Variants in TENM1 observed in about 807,000 individuals in gnomAD.
TENM1 encodes teneurin-1.
In TENM1, 35 loss-of-function variants were observed where a neutral mutation model predicts 174.8. That is an observed-to-expected ratio of 0.20 (90% CI 0.15 to 0.27). The LOEUF (loss-of-function observed/expected upper bound fraction) is 0.27, where lower values mean the gene tolerates loss of function less well. Ranked by LOEUF, TENM1 falls within the 10% of genes least tolerant of loss-of-function variation. The pLI is 1.00. For missense variants in TENM1, 1,633 were observed against 2,130.1 expected (o/e 0.77, Z 4.59); for synonymous variants, 781 against 798.7 (o/e 0.98, Z 0.37).
exon 32 of TENM1, chrX:124,378,238 A>G (rs2060122630): frequency 8.9e-6 from 1 of 112,625 alleles, no homozygotes; most frequent in Admixed American, 9.4e-5. Flanking sequence ...TATTTAAAGC[A>G]GTTTGAAAAT....
intron 3 of TENM1, among the ~76,000 whole-genome samples, chrX:124,780,754 A>G (rs1469745781): frequency 8.9e-6 from 1 of 111,883 alleles, no homozygotes; most frequent in African/African-American, 3.2e-5. Context: ...GCATCTCAAA[A>G]GGGACAAGTA....
the TENM1 span, among the ~76,000 whole-genome samples, chrX:125,117,085 A>G: frequency 1.8e-5 from 2 of 110,498 alleles, no homozygotes; most frequent in African/African-American, 6.6e-5. Context: ...ATGCTTTTAC[A>G]CCATTGGTGG....
rs748027239 is a variant in TENM1, at chrX:124,637,797, A to T, written c.2077+3994T>A. 3.6e-5 allele frequency among the ~76,000 whole-genome samples: 4 copies of T among 111,995 alleles called. No homozygotes were observed. In the South Asian group the frequency reaches 1.1e-3, roughly 31 times the overall value. On this transcript the variant is annotated intron_variant, in intron 11 of 31. Coordinates refer to ENST00000422452, the Ensembl canonical transcript of TENM1. ...ACCTTTATTCACATTTGCCTCCCCA[A>T]CTATAGATGTTTCATCCTTCTTTGT...
chrX:124,562,237 T>C (rs2246929), intron 13 of TENM1, among the ~76,000 whole-genome samples: 46,822 of 110,767 alleles, frequency 0.42, 8,161 homozygotes, highest in East Asian at 0.82. Context: ...CTACTTCTAG[T>C]CTGTGCTGAT....
intron 11 of TENM1, among the ~76,000 whole-genome samples, chrX:124,573,900 G>A (rs2049109214): frequency 1.8e-5 from 2 of 111,965 alleles, no homozygotes; most frequent in South Asian, 7.4e-4. Context: ...AACAGATGCT[G>A]GCAATTGTAT....
At chrX:124,844,507 T>A (rs2056569484) in intron 3 of TENM1, among the ~76,000 whole-genome samples, 1 of 110,490 alleles carries the variant, frequency 9.1e-6, no homozygotes, top group Non-Finnish European at 1.9e-5. Context: ...TTGACGGGGG[T>A]GGTAATCATG....
At chrX:124,437,385 C>T (rs1307945303) in intron 23 of TENM1, among the ~76,000 whole-genome samples, 1 of 110,827 alleles carries the variant, frequency 9.0e-6, no homozygotes, top group African/African-American at 3.3e-5. Context: ...ACTATTTTGG[C>T]CCCAGAGACT....
chrX:124,920,386 C>T (rs868606081), intron 1 of TENM1, among the ~76,000 whole-genome samples: 1 of 108,468 alleles, frequency 9.2e-6, no homozygotes, highest in Non-Finnish European at 1.9e-5. Flanking sequence ...CAAGGAATTT[C>T]TTTGTCTGAG....
chrX:124,819,237 G>A (rs1236875443), intron 3 of TENM1, among the ~76,000 whole-genome samples: 1 of 111,496 alleles, frequency 9.0e-6, no homozygotes, highest in African/African-American at 3.3e-5. Context: ...GCTTGAATAA[G>A]TCCTAAATTT....
At chrX:124,965,691 T>C, upstream of TENM1, among the ~76,000 whole-genome samples, 1 of 101,718 alleles carries the variant, frequency 9.8e-6, no homozygotes, top group Non-Finnish European at 1.9e-5. Flanking sequence ...GATATGAACA[T>C]ATACATATAT....
chrX:124,815,967 A>C (rs191187800), intron 3 of TENM1, among the ~76,000 whole-genome samples: 20 of 111,930 alleles, frequency 1.8e-4, no homozygotes, highest in Non-Finnish European at 2.8e-4. Context: ...GTAGATTTGG[A>C]AGTAAGTAAA....
At chrX:124,580,414 A>T (rs995623677) in intron 11 of TENM1, among the ~76,000 whole-genome samples, 2 of 103,545 alleles carry the variant, frequency 1.9e-5, no homozygotes, top group Non-Finnish European at 4.1e-5. Context: ...ATATGTATAT[A>T]TACACATATA....
At chrX:124,958,625 G>C (rs2058612103) in intron 1 of TENM1, among the ~76,000 whole-genome samples, 1 of 111,316 alleles carries the variant, frequency 9.0e-6, no homozygotes, top group African/African-American at 3.3e-5. Flanking sequence ...GTGTGGTATA[G>C]TGAAGAATGG....
intron 23 of TENM1, among the ~76,000 whole-genome samples, chrX:124,445,532 C>T (rs1351385663): frequency 8.9e-6 from 1 of 112,104 alleles, no homozygotes; most frequent in African/African-American, 3.2e-5. Flanking sequence ...CTTCCCCTAC[C>T]CGTGTTAGAC....
chrX:125,042,963 T>C, the TENM1 span, among the ~76,000 whole-genome samples: 63 of 111,400 alleles, frequency 5.7e-4, no homozygotes, highest in African/African-American at 2.0e-3. Context: ...TGCAAGGAAA[T>C]CAACTCTAGG....
intron 31 of TENM1, among the ~76,000 whole-genome samples, chrX:124,381,495 T>C (rs1022679787): frequency 5.3e-5 from 6 of 112,179 alleles, no homozygotes; most frequent in African/African-American, 1.9e-4. Flanking sequence ...AGCATTCTTA[T>C]ATCTTGGTGG....
the TENM1 span, among the ~76,000 whole-genome samples, chrX:125,065,772 T>A: frequency 5.0e-3 from 561 of 112,482 alleles, 2 homozygotes; most frequent in African/African-American, 0.017. Context: ...AAACAAAAAT[T>A]GGTATAAAAA....
At chrX:124,530,277 C>T (rs909957727) in intron 15 of TENM1, among the ~76,000 whole-genome samples, 1 of 109,996 alleles carries the variant, frequency 9.1e-6, no homozygotes, top group East Asian at 2.8e-4. Flanking sequence ...TTATATAATA[C>T]ACCCTTAAAT....
chrX:124,406,323 T>C, exon 26 of TENM1: 1 of 1,204,114 alleles, frequency 8.3e-7, no homozygotes, highest in South Asian at 1.8e-5. Context: ...TTACCTTGTT[T>C]TAAAATATAT....
Sources: allele counts gnomAD v4.1 joint callset (sites outside exome capture counted in the v4.1 genomes callset), GRCh38; gene constraint gnomAD v4.1.1; transcripts MANE v1.5; gene names NCBI Gene and HGNC (gene_info 2026-07-23, HGNC 2026-07-21).